The following CREM variants were observed in gnomAD, a reference collection of about 807,000 sequenced individuals.
CREM encodes the protein cAMP responsive element modulator.
Under a neutral mutation model 37.3 loss-of-function variants are expected in CREM, and 13 were observed. The ratio of observed to expected loss-of-function variants is 0.35; its 90% CI spans 0.23 to 0.55. CREM has a LOEUF of 0.55. Ranked by LOEUF, CREM falls within the 20% of genes least tolerant of loss-of-function variation. CREM has a pLI of 0.88. For synonymous variants in CREM, 124 were observed against 120.2 expected (o/e 1.03, Z -0.21); for missense variants, 296 against 362.3 (o/e 0.82, Z 1.49).
intron 5 of CREM, among the ~76,000 whole-genome samples, chr10:35,187,248 C>T (rs2094686307): frequency 1.9e-5 from 2 of 106,470 alleles, no homozygotes; most frequent in African/African-American, 3.7e-5. Context: ...TTATATATAA[C>T]ATATATAATT....
intron 3 of CREM, among the ~76,000 whole-genome samples, chr10:35,161,849 A>G (rs1200540826): frequency 6.6e-6 from 1 of 152,216 alleles, no homozygotes; most frequent in Non-Finnish European, 1.5e-5. Flanking sequence ...GTATAGCCAT[A>G]TGGAAAACAG....
rs1270466231 is a variant in CREM, at chr10:35,149,935, CA to C, written c.168+1445del. ...ACACACACACACACACACACACACA[CA>C]CACCCTTGTTAAAAAAAATGCATGT... On this transcript the variant is annotated intron_variant, in intron 3 of 7. Coordinates refer to ENST00000685392, the MANE Select transcript of CREM (RefSeq NM_183011.2). Among the ~76,000 whole-genome samples the C allele has an allele frequency of 1.3e-3, 191 of 143,840 alleles. 2 individuals are homozygous for C. The highest frequency in any genetic ancestry group is 2.5e-4 in the Non-Finnish European group (16 of 64,668). 94.4% of individuals were successfully genotyped at this position (143,840 alleles called of 152,430 possible).
At chr10:35,147,563 C>T (rs1010851132) in intron 2 of CREM, among the ~76,000 whole-genome samples, 1 of 151,928 alleles carries the variant, frequency 6.6e-6, no homozygotes, top group Non-Finnish European at 1.5e-5. Flanking sequence ...TTATCAGAAA[C>T]GACTTAGTGA....
intron 7 of CREM, 51 bp downstream of exon 7, chr10:35,207,102 T>C (rs1183130080): frequency 1.9e-6 from 3 of 1,576,234 alleles, no homozygotes; most frequent in Admixed American, 3.7e-5. Context: ...TTTTAAAAAT[T>C]ACAGTTTTCA....
At position 35,211,603 on chromosome 10, in the gene CREM, T is replaced by C. The variant is rs2095666250; in HGVS notation, c.*205T>C. 1.3e-6 allele frequency: 2 copies of C among 1,595,448 alleles called. No individual in the cohort carries two copies. The highest frequency in any genetic ancestry group is 2.7e-5 in the African/African-American group (2 of 74,108). ...TACCGAGCTTACTTTGATCTGTTTG[T>C]CAATAGCATGCAAAAAATGCTTTGT... On this transcript the variant is annotated 3_prime_UTR_variant, in exon 8 of 8. Coordinates refer to ENST00000685392, the MANE Select transcript of CREM (RefSeq NM_183011.2).
At chr10:35,197,060 T>C (rs1036769457) in intron 6 of CREM, among the ~76,000 whole-genome samples, 1 of 151,962 alleles carries the variant, frequency 6.6e-6, no homozygotes, top group Non-Finnish European at 1.5e-5. Context: ...GGTTTCACCG[T>C]GTTAGCCAGG....
chr10:35,181,767 G>A (rs1186786050), intron 5 of CREM, among the ~76,000 whole-genome samples: 1 of 152,150 alleles, frequency 6.6e-6, no homozygotes, highest in Non-Finnish European at 1.5e-5. Context: ...CAGCTACTCA[G>A]GAGGCTGAGG....
chr10:35,186,520 A>G (rs993405613), intron 5 of CREM, among the ~76,000 whole-genome samples: 2 of 150,912 alleles, frequency 1.3e-5, no homozygotes, highest in African/African-American at 4.9e-5. Flanking sequence ...GACAATTTAT[A>G]TTTCAGGATT....
chr10:35,173,434 T>A (rs965345512), intron 3 of CREM, among the ~76,000 whole-genome samples: 12 of 152,340 alleles, frequency 7.9e-5, no homozygotes, highest in Admixed American at 2.6e-4. Flanking sequence ...CTATCTTCAG[T>A]TAAACCTGAC....
intron 3 of CREM, among the ~76,000 whole-genome samples, chr10:35,158,798 G>GTTTTTTTTTTTTTTT (rs543961468): frequency 9.9e-6 from 1 of 100,840 alleles, no homozygotes. Flanking sequence ...CAAATATAGT[G>GTTTTTTTTTTTTTTT]TTTTTTTTTT....
At chr10:35,157,281 A>AACTG (rs1310618600) in intron 3 of CREM, among the ~76,000 whole-genome samples, 1 of 151,950 alleles carries the variant, frequency 6.6e-6, no homozygotes, top group Non-Finnish European at 1.5e-5. Flanking sequence ...ACCCACAACT[A>AACTG]ACATCATGCT....
chr10:35,189,194 TG>T (rs1278305440), intron 6 of CREM, among the ~76,000 whole-genome samples: 8 of 144,396 alleles, frequency 5.5e-5, no homozygotes, highest in Admixed American at 4.1e-4. Flanking sequence ...TTTGTTTGTT[TG>T]TTTTTTTGAC....
At chr10:35,205,948 G>A (rs1420267156) in intron 6 of CREM, among the ~76,000 whole-genome samples, 1 of 149,446 alleles carries the variant, frequency 6.7e-6, no homozygotes, top group Non-Finnish European at 1.5e-5. Flanking sequence ...CACTTAGTGA[G>A]ACTCTGTCTA....
chr10:35,165,183 G>C (rs2093488361), intron 3 of CREM, among the ~76,000 whole-genome samples: 1 of 151,990 alleles, frequency 6.6e-6, no homozygotes, highest in African/African-American at 2.4e-5. Flanking sequence ...ACCAGTATCT[G>C]CTTCTAGGGA....
chr10:35,166,564 C>CA (rs34348266), intron 3 of CREM, among the ~76,000 whole-genome samples: 5,281 of 131,834 alleles, frequency 0.04, 297 homozygotes, highest in African/African-American at 0.13. Flanking sequence ...GAGTCTGTAT[C>CA]AAAAAAAAAA....
intron 3 of CREM, among the ~76,000 whole-genome samples, chr10:35,170,617 G>A (rs1025904683): frequency 9.9e-5 from 15 of 152,088 alleles, no homozygotes; most frequent in Non-Finnish European, 1.8e-4. Flanking sequence ...CTTCTTCCTG[G>A]TTTAGTCTTG....
chr10:35,168,664 T>G (rs1031023534), intron 3 of CREM, among the ~76,000 whole-genome samples: 3 of 152,242 alleles, frequency 2.0e-5, no homozygotes, highest in Admixed American at 2.0e-4. Flanking sequence ...AGACATGAAG[T>G]CCTTGCCCAT....
rs60234602 is a variant in CREM, at chr10:35,137,907, T to G, written c.44+28T>G. 2.8e-3 allele frequency: 4,314 copies of G among 1,560,012 alleles called. 109 individuals carry two copies. In the African/African-American group the frequency reaches 0.051, roughly 18 times the overall value. ...AGGTAGATGTACGTTTTTCTGTTCT[T>G]TTGAAAATTCTACTTAGCTTAAAGT... On this transcript the variant is annotated intron_variant, in intron 2 of 7. Coordinates refer to ENST00000685392, the MANE Select transcript of CREM (RefSeq NM_183011.2).
chr10:35,176,402 T>C (rs572857806), intron 3 of CREM, among the ~76,000 whole-genome samples: 3 of 151,580 alleles, frequency 2.0e-5, no homozygotes, highest in Admixed American at 1.3e-4. Context: ...TTTTCTTTTT[T>C]TTTCTTCTTT....
Sources: gnomAD v4.1 joint callset for allele counts (sites outside exome capture counted in the v4.1 genomes callset) on GRCh38, gnomAD v4.1.1 for gene constraint, MANE v1.5 for transcripts, NCBI Gene and HGNC (gene_info 2026-07-23, HGNC 2026-07-21) for gene names.